The following ROBO2 variants were observed in gnomAD, a reference collection of about 807,000 sequenced individuals.
ROBO2 encodes the protein roundabout homolog 2.
Under a neutral mutation model 160.8 loss-of-function variants are expected in ROBO2, and 53 were observed. The observed-to-expected ratio is 0.33, with a 90% confidence interval of 0.26 to 0.41. ROBO2 has a LOEUF of 0.41. Ranked by LOEUF, ROBO2 falls within the 10% of genes least tolerant of loss-of-function variation. The pLI is 1.00. For missense variants in ROBO2, 1,577 were observed against 1,722.4 expected (o/e 0.92, Z 1.49); for synonymous variants, 664 against 611.7 (o/e 1.09, Z -1.26).
intron 2 of ROBO2, among the ~76,000 whole-genome samples, chr3:76,442,550 T>G (rs1203442315): frequency 6.6e-6 from 1 of 152,196 alleles, no homozygotes; most frequent in Non-Finnish European, 1.5e-5. Flanking sequence ...GGTTCCCCTT[T>G]ATTCACGGTT....
At chr3:76,333,557 G>A (rs1261675792) in intron 2 of ROBO2, among the ~76,000 whole-genome samples, 1 of 152,098 alleles carries the variant, frequency 6.6e-6, no homozygotes, top group Non-Finnish European at 1.5e-5. Context: ...TGATCTTAAG[G>A]AGCCTCAATG....
intron 2 of ROBO2, among the ~76,000 whole-genome samples, chr3:76,390,811 T>G (rs1322127476): frequency 6.6e-6 from 1 of 152,162 alleles, no homozygotes; most frequent in African/African-American, 2.4e-5. Flanking sequence ...GCAACTTCTG[T>G]ATTGTGGATT....
chr3:76,547,106 A>T (rs2108303850), intron 2 of ROBO2, among the ~76,000 whole-genome samples: 1 of 152,100 alleles, frequency 6.6e-6, no homozygotes. Context: ...TTTTCTTGAT[A>T]CAGTCCAACT....
chr3:76,585,072 A>G (rs2085948357), intron 2 of ROBO2, among the ~76,000 whole-genome samples: 1 of 152,224 alleles, frequency 6.6e-6, no homozygotes, highest in Non-Finnish European at 1.5e-5. Context: ...TGAAAATAAT[A>G]GCAATCGCTA....
chr3:76,111,419 T>C (rs181974158), intron 2 of ROBO2, among the ~76,000 whole-genome samples: 1 of 152,006 alleles, frequency 6.6e-6, no homozygotes, highest in Non-Finnish European at 1.5e-5. Context: ...TATGGGAGAA[T>C]AAATTTCTCC....
chr3:77,147,389 A>G (rs1264724084), intron 2 of ROBO2, among the ~76,000 whole-genome samples: 1 of 152,198 alleles, frequency 6.6e-6, no homozygotes, highest in Non-Finnish European at 1.5e-5. Flanking sequence ...TGCTCTTTTC[A>G]AACTGTAATG....
In ROBO2 at chr3:75,937,480, G is replaced by C. The variant is rs1252604653; in HGVS notation, c.-13-1G>C. 6.6e-7 allele frequency: 1 copy of C among 1,520,456 alleles called. No homozygotes were observed. The highest frequency in any genetic ancestry group is 1.9e-4 in the Middle Eastern group (1 of 5,266). The allele number at this position is 1,520,456 out of a possible 1,614,324, so 94.2% of individuals were successfully genotyped here. On this transcript the variant is annotated splice_acceptor_variant, in intron 1 of 26. Coordinates refer to the ROBO2 transcript ENST00000487694. LOFTEE classifies it low-confidence loss of function (5UTR_SPLICE). The stretch of plus-strand genomic sequence containing the variant: ...TCACATCCACCCCACTCAATATGCA[G>C]AGTTTAAGATGCAATGGCCAGAAGA...
At chr3:77,245,108 G>A (rs1184439029) in intron 2 of ROBO2, among the ~76,000 whole-genome samples, 1 of 152,192 alleles carries the variant, frequency 6.6e-6, no homozygotes, top group Non-Finnish European at 1.5e-5. Context: ...AACAAGTTGG[G>A]TGTCTCATTG....
chr3:77,321,271 C>A (rs2064665922), intron 2 of ROBO2, among the ~76,000 whole-genome samples: 1 of 152,060 alleles, frequency 6.6e-6, no homozygotes, highest in Non-Finnish European at 1.5e-5. Flanking sequence ...AAACCCAGCA[C>A]TTTAAGAGGT....
At chr3:76,271,246 A>G (rs1707414727) in intron 2 of ROBO2, among the ~76,000 whole-genome samples, 1 of 151,958 alleles carries the variant, frequency 6.6e-6, no homozygotes, top group Non-Finnish European at 1.5e-5. Context: ...GTATATTTAA[A>G]TTTTCTTCTT....
intron 2 of ROBO2, among the ~76,000 whole-genome samples, chr3:76,929,614 G>A (rs11914968): frequency 1.7e-4 from 26 of 152,136 alleles, no homozygotes; most frequent in African/African-American, 6.3e-4. Context: ...CCCTTAAAAC[G>A]TAAGGCAGAA....
At chr3:76,599,144 A>G (rs1900654) in intron 2 of ROBO2, among the ~76,000 whole-genome samples, 73,902 of 151,832 alleles carry the variant, frequency 0.49, 18,352 homozygotes, top group Middle Eastern at 0.67. Context: ...GTCACAGGGC[A>G]TTGATGTACA....
intron 2 of ROBO2, among the ~76,000 whole-genome samples, chr3:76,206,204 CT>C (rs1460380640): frequency 5.3e-5 from 8 of 152,114 alleles, no homozygotes; most frequent in Non-Finnish European, 1.0e-4. Context: ...CCCAAAGCCT[CT>C]CAGGGGCAGG....
intron 2 of ROBO2, among the ~76,000 whole-genome samples, chr3:77,216,927 G>A (rs916042695): frequency 4.6e-5 from 7 of 151,798 alleles, no homozygotes; most frequent in African/African-American, 1.7e-4. Flanking sequence ...GGGAGACCAG[G>A]GCATAAAGCC....
chr3:76,408,817 G>A (rs2075344986), intron 2 of ROBO2, among the ~76,000 whole-genome samples: 1 of 152,030 alleles, frequency 6.6e-6, no homozygotes, highest in South Asian at 2.1e-4. Context: ...GTAGGTATCT[G>A]AATATATCAA....
At chr3:76,716,426 G>A (rs1196888768) in intron 2 of ROBO2, among the ~76,000 whole-genome samples, 1 of 151,968 alleles carries the variant, frequency 6.6e-6, no homozygotes, top group Non-Finnish European at 1.5e-5. Context: ...AATAGATGTA[G>A]TTCTAAACAC....
At chr3:76,543,710 A>G (rs183651531) in intron 2 of ROBO2, among the ~76,000 whole-genome samples, 1 of 152,186 alleles carries the variant, frequency 6.6e-6, no homozygotes, top group African/African-American at 2.4e-5. Context: ...AAGAGTATGC[A>G]TTTACTAATG....
At chr3:77,469,133 A>G (rs1488387572) in intron 2 of ROBO2, among the ~76,000 whole-genome samples, 2 of 152,178 alleles carry the variant, frequency 1.3e-5, no homozygotes, top group African/African-American at 4.8e-5. Flanking sequence ...AAAAATACAG[A>G]ATTATTATGC....
intron 2 of ROBO2, among the ~76,000 whole-genome samples, chr3:76,320,551 G>A (rs542941692): frequency 1.3e-5 from 2 of 152,310 alleles, no homozygotes; most frequent in East Asian, 1.9e-4. Context: ...CCAACATTAT[G>A]TTCTGGAGAC....
Sources: allele counts gnomAD v4.1 joint callset (sites outside exome capture counted in the v4.1 genomes callset), GRCh38; gene constraint gnomAD v4.1.1; transcripts MANE v1.5; gene names NCBI Gene and HGNC (gene_info 2026-07-23, HGNC 2026-07-21).